Variants in ARHGAP18 observed in about 807,000 individuals in gnomAD.
ARHGAP18 encodes Rho GTPase activating protein 18.
A neutral mutation model predicts 86.2 loss-of-function variants in ARHGAP18; 67 were observed. That is an observed-to-expected ratio of 0.78 (90% confidence interval 0.64 to 0.95). ARHGAP18 has a LOEUF of 0.95. Ranked by LOEUF, ARHGAP18 falls within the 40% of genes least tolerant of loss-of-function variation. The pLI is 0.00. For synonymous variants in ARHGAP18, 283 were observed against 280.4 expected (o/e 1.01, Z -0.09); for missense variants, 691 against 780.4 (o/e 0.89, Z 1.37).
At chr6:129,642,131 A>G in intron 1 of ARHGAP18, 113 bp from the exon 2 acceptor site, 1 of 883,444 alleles carries the variant, frequency 1.1e-6, no homozygotes, top group East Asian at 2.5e-5. Context: ...GTTATCCTTA[A>G]TAAAACTAAA....
intron 12 of ARHGAP18, among the ~76,000 whole-genome samples, chr6:129,595,283 T>G (rs1788593930): frequency 6.6e-6 from 1 of 152,202 alleles, no homozygotes. Context: ...TACGAATCTC[T>G]TCAATGTCAA....
intron 1 of ARHGAP18, among the ~76,000 whole-genome samples, chr6:129,672,608 G>T (rs1774159302): frequency 6.6e-6 from 1 of 152,158 alleles, no homozygotes; most frequent in Non-Finnish European, 1.5e-5. Context: ...AGTTCTAGTT[G>T]TTTAAACATT....
At chr6:129,596,120 T>C (rs1259263056) in intron 12 of ARHGAP18, among the ~76,000 whole-genome samples, 2 of 152,160 alleles carry the variant, frequency 1.3e-5, no homozygotes, top group African/African-American at 4.8e-5. Context: ...TAAAACATAG[T>C]ATAGATTTTC....
chr6:129,657,953 A>T (rs1257179345), intron 1 of ARHGAP18, among the ~76,000 whole-genome samples: 1 of 152,118 alleles, frequency 6.6e-6, no homozygotes, highest in Non-Finnish European at 1.5e-5. Context: ...TCTTATCTCC[A>T]ATAGGTTCTT....
chr6:129,704,279 C>T (rs1303817472), intron 1 of ARHGAP18, among the ~76,000 whole-genome samples: 2 of 151,842 alleles, frequency 1.3e-5, no homozygotes, highest in Non-Finnish European at 2.9e-5. Context: ...ACCCCATCTT[C>T]ACTAAATATA....
intron 1 of ARHGAP18, among the ~76,000 whole-genome samples, chr6:129,708,375 T>G (rs1398531439): frequency 6.6e-6 from 1 of 152,148 alleles, no homozygotes; most frequent in Non-Finnish European, 1.5e-5. Context: ...TAGTGCCTCT[T>G]GGTTCTGCTT....
chr6:129,654,139 G>A (rs1017082531), intron 1 of ARHGAP18, among the ~76,000 whole-genome samples: 1 of 152,200 alleles, frequency 6.6e-6, no homozygotes, highest in African/African-American at 2.4e-5. Context: ...ATAGGGCAGT[G>A]AGGCCTAACA....
chr6:129,658,067 C>G (rs965450143), intron 1 of ARHGAP18, among the ~76,000 whole-genome samples: 1 of 152,212 alleles, frequency 6.6e-6, no homozygotes, highest in African/African-American at 2.4e-5. Flanking sequence ...GGAACTACTA[C>G]TGGAAGAGAG....
At chr6:129,681,356 G>A (rs1394925968) in intron 1 of ARHGAP18, among the ~76,000 whole-genome samples, 3 of 152,172 alleles carry the variant, frequency 2.0e-5, no homozygotes, top group African/African-American at 4.8e-5. Context: ...GATTACAGGC[G>A]TGAGCCACCG....
chr6:129,709,598 C>G (rs1038319741), intron 1 of ARHGAP18, among the ~76,000 whole-genome samples: 1 of 152,228 alleles, frequency 6.6e-6, no homozygotes, highest in African/African-American at 2.4e-5. Context: ...ACAACAACAG[C>G]TTGTACAGTA....
chr6:129,590,210 T>G (rs1788482114), intron 12 of ARHGAP18, among the ~76,000 whole-genome samples: 1 of 152,176 alleles, frequency 6.6e-6, no homozygotes, highest in African/African-American at 2.4e-5. Flanking sequence ...AAGTTGACCC[T>G]CAATATTGAG....
At chr6:129,608,207 G>GA (rs1207660973) in intron 8 of ARHGAP18, among the ~76,000 whole-genome samples, 155 bp from the exon 9 acceptor site, 5 of 149,596 alleles carry the variant, frequency 3.3e-5, no homozygotes, top group Non-Finnish European at 4.4e-5. Context: ...CTTTTACTCA[G>GA]AAAAAAAACT....
chr6:129,611,412 GTTTTA>G (rs1430819880), intron 8 of ARHGAP18, 116 bp downstream of exon 8: 31 of 779,598 alleles, frequency 4.0e-5, no homozygotes, highest in Admixed American at 5.5e-5. Flanking sequence ...AGGTTTTATT[GTTTTA>G]TTTTATCTAC....
intron 1 of ARHGAP18, among the ~76,000 whole-genome samples, chr6:129,649,652 C>T (rs1773662468): frequency 6.7e-6 from 1 of 149,054 alleles, no homozygotes; most frequent in Non-Finnish European, 1.5e-5. Flanking sequence ...TTTTGCTACT[C>T]ACTTTTGACA....
chr6:129,666,844 T>C (rs555263679), intron 1 of ARHGAP18, among the ~76,000 whole-genome samples: 3 of 151,692 alleles, frequency 2.0e-5, no homozygotes, highest in African/African-American at 7.3e-5. Context: ...CAAGTCTTAG[T>C]TGATTGGGAA....
At position 129,653,112 on chromosome 6, in the gene ARHGAP18, C is replaced by A. The variant is rs527483216; in HGVS notation, c.114-11094G>T. 8.1e-4 allele frequency among the ~76,000 whole-genome samples: 123 copies of A among 152,066 alleles called. 1 individual carries two copies. The highest frequency in any genetic ancestry group is 2.9e-3 in the African/African-American group (122 of 41,466). ...CTCAGTTCTTTGTGATTATCCACTGCAATAAGGTAGAGAAATCATCTCATA... is the reference window on the plus strand; with the variant it reads ...CTCAGTTCTTTGTGATTATCCACTGAAATAAGGTAGAGAAATCATCTCATA... On this transcript the variant is annotated intron_variant, in intron 1 of 14. Coordinates refer to ENST00000368149, the MANE Select transcript of ARHGAP18 (RefSeq NM_033515.3).
At chr6:129,686,633 T>C (rs1352632763) in intron 1 of ARHGAP18, among the ~76,000 whole-genome samples, 1 of 152,238 alleles carries the variant, frequency 6.6e-6, no homozygotes, top group African/African-American at 2.4e-5. Flanking sequence ...AAATATGGGC[T>C]GAACTTCCAG....
At chr6:129,705,428 CA>C (rs1189330289) in intron 1 of ARHGAP18, among the ~76,000 whole-genome samples, 1 of 152,142 alleles carries the variant, frequency 6.6e-6, no homozygotes, top group Admixed American at 6.5e-5. Flanking sequence ...TTGCAGACCT[CA>C]ATGCCCATCA....
At chr6:129,706,827 A>G (rs890839135) in intron 1 of ARHGAP18, among the ~76,000 whole-genome samples, 3 of 144,926 alleles carry the variant, frequency 2.1e-5, no homozygotes, top group East Asian at 4.5e-4. Context: ...CGGAGGTTGC[A>G]GTGAGCCCAG....
Sources: gnomAD v4.1 joint callset for allele counts (sites outside exome capture counted in the v4.1 genomes callset) on GRCh38, gnomAD v4.1.1 for gene constraint, MANE v1.5 for transcripts, NCBI Gene and HGNC (gene_info 2026-07-23, HGNC 2026-07-21) for gene names.